MACROD2: variants seen among roughly 807,000 people sequenced by gnomAD.
MACROD2 encodes mono-ADP ribosylhydrolase 2.
A neutral mutation model predicts 70.4 loss-of-function variants in MACROD2; 36 were observed. The observed-to-expected ratio is 0.51, with a 90% CI of 0.39 to 0.68. The LOEUF is 0.68. Ranked by LOEUF, MACROD2 falls within the 30% of genes least tolerant of loss-of-function variation. The probability of loss-of-function intolerance (pLI) is 0.00; values close to 1 mark genes in which losing one functional copy is unlikely to be tolerated. For synonymous variants in MACROD2, 172 were observed against 178.8 expected (o/e 0.96, Z 0.30); for missense variants, 496 against 538.4 (o/e 0.92, Z 0.78).
intron 4 of MACROD2, among the ~76,000 whole-genome samples, chr20:14,682,233 T>C (rs1335308689): frequency 6.6e-6 from 1 of 152,124 alleles, no homozygotes; most frequent in African/African-American, 2.4e-5. Context: ...AAGCAACTAA[T>C]TACCTCTTTG....
chr20:16,032,749 GGGA>G (rs1394842945), intron 15 of MACROD2, among the ~76,000 whole-genome samples: 1 of 96,886 alleles, frequency 1.0e-5, no homozygotes, highest in Non-Finnish European at 2.4e-5. Context: ...AGGGAAGAAA[GGGA>G]GGAGGGAAGA....
chr20:14,636,922 G>A (rs1256809151), intron 4 of MACROD2, among the ~76,000 whole-genome samples: 1 of 152,156 alleles, frequency 6.6e-6, no homozygotes, highest in Non-Finnish European at 1.5e-5. Context: ...GCACTGAATT[G>A]TGGAAAGGTA....
intron 6 of MACROD2, among the ~76,000 whole-genome samples, chr20:15,415,937 T>C (rs1342622504): frequency 6.6e-6 from 1 of 152,210 alleles, no homozygotes; most frequent in East Asian, 1.9e-4. Context: ...TTCTCATCTT[T>C]ATGGTTTGCT....
chr20:15,159,274 C>T (rs2076330787), intron 5 of MACROD2, among the ~76,000 whole-genome samples: 1 of 152,034 alleles, frequency 6.6e-6, no homozygotes, highest in African/African-American at 2.4e-5. Context: ...TAGGAAAACT[C>T]TTCTCCCCTA....
intron 3 of MACROD2, among the ~76,000 whole-genome samples, chr20:14,388,176 A>AT (rs746555093): frequency 9.3e-5 from 14 of 150,530 alleles, no homozygotes; most frequent in South Asian, 4.2e-4. Context: ...CGCCCGGCTA[A>AT]TTTTTTTTTG....
chr20:14,580,537 A>G (rs1303409595), intron 4 of MACROD2, among the ~76,000 whole-genome samples: 3 of 152,200 alleles, frequency 2.0e-5, no homozygotes, highest in South Asian at 4.1e-4. Flanking sequence ...TTGTATCTGC[A>G]TTTTGTATTT....
chr20:15,025,805 G>T (rs2075226619), intron 5 of MACROD2, among the ~76,000 whole-genome samples: 1 of 152,022 alleles, frequency 6.6e-6, no homozygotes, highest in African/African-American at 2.4e-5. Flanking sequence ...CCAAAACTGT[G>T]CCCAGATCTT....
chr20:15,104,195 T>C (rs1327551893), intron 5 of MACROD2, among the ~76,000 whole-genome samples: 2 of 152,130 alleles, frequency 1.3e-5, no homozygotes, highest in Non-Finnish European at 2.9e-5. Flanking sequence ...GGGACGGAAC[T>C]GAAAGACTAA....
At chr20:15,722,926 T>C (rs532807780) in intron 8 of MACROD2, among the ~76,000 whole-genome samples, 1 of 152,286 alleles carries the variant, frequency 6.6e-6, no homozygotes, top group South Asian at 2.1e-4. Context: ...TGATTTTATT[T>C]CTTTTCTATA....
chr20:15,562,167 C>T (rs2048253063), intron 8 of MACROD2, among the ~76,000 whole-genome samples: 1 of 152,168 alleles, frequency 6.6e-6, no homozygotes, highest in Admixed American at 6.5e-5. Context: ...CTGCTGCCTA[C>T]TGCCCCACCC....
intron 2 of MACROD2, among the ~76,000 whole-genome samples, chr20:14,011,904 A>G (rs1315621595): frequency 6.7e-6 from 1 of 150,046 alleles, no homozygotes; most frequent in Non-Finnish European, 1.5e-5. Context: ...TTCTACTATT[A>G]TTGCGACTTT....
At chr20:14,054,191 A>G (rs1018755118) in intron 2 of MACROD2, among the ~76,000 whole-genome samples, 1 of 151,522 alleles carries the variant, frequency 6.6e-6, no homozygotes, top group African/African-American at 2.4e-5. Context: ...GGAATCTAGT[A>G]TGATCCACCC....
intron 2 of MACROD2, among the ~76,000 whole-genome samples, chr20:14,042,323 A>G (rs557823266): frequency 6.6e-6 from 1 of 152,236 alleles, no homozygotes; most frequent in East Asian, 1.9e-4. Context: ...GCCTTCAATC[A>G]TTAGATTGAA....
At chr20:14,025,088 T>C (rs1240530769) in intron 2 of MACROD2, among the ~76,000 whole-genome samples, 2 of 152,224 alleles carry the variant, frequency 1.3e-5, no homozygotes, top group African/African-American at 2.4e-5. Context: ...TCTTTCTGGT[T>C]TGGTCTTGGG....
intron 8 of MACROD2, among the ~76,000 whole-genome samples, chr20:15,668,990 A>G (rs2049940883): frequency 6.6e-6 from 1 of 152,236 alleles, no homozygotes; most frequent in Admixed American, 6.5e-5. Flanking sequence ...CTAGCTACAC[A>G]TAAACGTTAA....
intron 11 of MACROD2, among the ~76,000 whole-genome samples, chr20:15,934,068 C>T (rs977602247): frequency 1.3e-5 from 2 of 152,126 alleles, no homozygotes. Flanking sequence ...GAATGATAGG[C>T]ACAATCATTC....
At chr20:14,163,293 A>G (rs947272244) in intron 3 of MACROD2, among the ~76,000 whole-genome samples, 1 of 152,078 alleles carries the variant, frequency 6.6e-6, no homozygotes, top group Non-Finnish European at 1.5e-5. Flanking sequence ...TTTGACCTGT[A>G]AGCTTTCTGT....
At chr20:15,322,991 C>A (rs1164991877) in intron 6 of MACROD2, among the ~76,000 whole-genome samples, 1 of 143,700 alleles carries the variant, frequency 7.0e-6, no homozygotes, top group Non-Finnish European at 1.6e-5. Context: ...GTGGTTGTGG[C>A]TAAGTTGTTC....
At chr20:14,758,457 G>T (rs541180883) in intron 5 of MACROD2, among the ~76,000 whole-genome samples, 11 of 152,308 alleles carry the variant, frequency 7.2e-5, no homozygotes, top group Middle Eastern at 3.4e-3. Flanking sequence ...CTGGATTCAG[G>T]CCTGTGAATT....
Sources: gnomAD v4.1 joint callset for allele counts (sites outside exome capture counted in the v4.1 genomes callset) on GRCh38, gnomAD v4.1.1 for gene constraint, MANE v1.5 for transcripts, NCBI Gene and HGNC (gene_info 2026-07-23, HGNC 2026-07-21) for gene names.